FGF13: variants seen among roughly 807,000 people sequenced by gnomAD.
FGF13 encodes the protein fibroblast growth factor homologous factor 2.
A neutral mutation model predicts 19.5 loss-of-function variants in FGF13; 2 were observed. The observed-to-expected ratio is 0.10, with a 90% CI of 0.04 to 0.32. The LOEUF (loss-of-function observed/expected upper bound fraction) is 0.32, where lower values mean the gene tolerates loss of function less well. Among genes scored for constraint, FGF13 ranks in the 10% least tolerant of loss-of-function variants. FGF13 has a pLI of 1.00. For synonymous variants in FGF13, 72 were observed against 76.9 expected, an observed-to-expected ratio of 0.94 and a Z score of 0.33; for missense variants, 113 against 192.7, an observed-to-expected ratio of 0.59 and a Z score of 2.45.
intron 3 of FGF13, among the ~76,000 whole-genome samples, chrX:138,783,878 C>A (rs905135726): frequency 2.7e-5 from 3 of 109,913 alleles, no homozygotes; most frequent in Non-Finnish European, 5.7e-5. Context: ...ATGTCTATTG[C>A]GACATTATTC....
intron 3 of FGF13, among the ~76,000 whole-genome samples, chrX:138,779,157 C>T (rs2090616637): frequency 9.1e-6 from 1 of 110,477 alleles, no homozygotes. Flanking sequence ...CACCAAAAAC[C>T]CATCTGTACA....
At chrX:138,961,786 C>T (rs1213355291) in intron 1 of FGF13, among the ~76,000 whole-genome samples, 1 of 111,752 alleles carries the variant, frequency 8.9e-6, no homozygotes, top group Non-Finnish European at 1.9e-5. Context: ...AACTGGCTAG[C>T]CACAGGTAGA....
intron 1 of FGF13, among the ~76,000 whole-genome samples, chrX:139,109,990 A>G (rs768934460): frequency 1.8e-5 from 2 of 111,545 alleles, no homozygotes; most frequent in South Asian, 7.6e-4. Flanking sequence ...ATGGAATAAA[A>G]TGTGTCTCAT....
At chrX:138,924,783 T>C (rs1423456936) in intron 1 of FGF13, among the ~76,000 whole-genome samples, 1 of 106,701 alleles carries the variant, frequency 9.4e-6, no homozygotes, top group Admixed American at 1.0e-4. Flanking sequence ...AGGGACATCC[T>C]AACCAAGGGA....
At chrX:138,921,801 T>C (rs890149849) in intron 1 of FGF13, among the ~76,000 whole-genome samples, 5 of 110,064 alleles carry the variant, frequency 4.5e-5, no homozygotes, top group African/African-American at 9.9e-5. Flanking sequence ...ACAAGAGATA[T>C]CTGAGTGTGT....
At position 138,763,250 on chromosome X, in the gene FGF13, A is replaced by G. The variant is rs144268013; in HGVS notation, c.218-54322T>C. 4.3e-3 allele frequency among the ~76,000 whole-genome samples: 474 copies of G among 110,641 alleles called. 2 individuals carry two copies. Among genetic ancestry groups the G allele is most frequent in the African/African-American group, 0.014 (439 of 30,460 alleles). On this transcript the variant is annotated intron_variant, in intron 3 of 6. Transcript: ENST00000436198. The stretch of plus-strand genomic sequence containing the variant: ...CACTACACACATCTTATGTAAATAT[A>G]TAATATATTATGCAGATCACAAACT...
chrX:138,944,698 G>C (rs113411082), intron 1 of FGF13, among the ~76,000 whole-genome samples: 179 of 110,757 alleles, frequency 1.6e-3, no homozygotes, highest in African/African-American at 5.7e-3. Flanking sequence ...AAGCACTCTT[G>C]AGCAGCCAAT....
intron 1 of FGF13, among the ~76,000 whole-genome samples, chrX:139,183,459 G>A (rs2084255772): frequency 8.9e-6 from 1 of 111,857 alleles, no homozygotes; most frequent in East Asian, 2.9e-4. Flanking sequence ...TGGGTCATGT[G>A]GGCAGATGCC....
rs2090041454 is a variant in FGF13, at chrX:138,711,104, C to T, written c.-101G>A. The stretch of plus-strand genomic sequence containing the variant: ...CTTGTCCGCTGTCTCGCGACTTCGC[C>T]GCTTTGGTCTCCTTAGCCTGCGTTT... On this transcript the variant is annotated 5_prime_UTR_variant, in exon 1 of 5. Transcript: ENST00000315930. 7 of 1,150,770 alleles carry T rather than the reference C, an allele frequency of 6.1e-6. No individual in the cohort carries two copies. In the South Asian group the frequency reaches 1.0e-4, roughly 17 times the overall value. 94.8% of individuals were successfully genotyped at this position (1,150,770 alleles called of 1,213,427 possible). A position where few individuals can be genotyped will look rare whatever the true frequency, so the allele number is the denominator to read the frequency against.
At chrX:139,173,095 C>A (rs2084147028) in intron 1 of FGF13, among the ~76,000 whole-genome samples, 1 of 111,758 alleles carries the variant, frequency 8.9e-6, no homozygotes, top group South Asian at 3.7e-4. Context: ...TTGCAAGTGC[C>A]AACGAATACC....
intron 1 of FGF13, among the ~76,000 whole-genome samples, chrX:139,049,912 C>A (rs1255038555): frequency 8.9e-6 from 1 of 112,325 alleles, no homozygotes; most frequent in Non-Finnish European, 1.9e-5. Context: ...CAGTCCAAAG[C>A]CAAGTCAATT....
chrX:138,874,119 G>A (rs926376570), intron 1 of FGF13, among the ~76,000 whole-genome samples: 7 of 103,522 alleles, frequency 6.8e-5, no homozygotes, highest in South Asian at 4.5e-4. Flanking sequence ...AAACCTGCAC[G>A]TCGTGCACAC....
At chrX:139,151,808 T>G (rs2083936561) in intron 1 of FGF13, among the ~76,000 whole-genome samples, 2 of 112,279 alleles carry the variant, frequency 1.8e-5, no homozygotes, top group African/African-American at 6.5e-5. Context: ...ATTTTTAACT[T>G]AATTGTTAAC....
chrX:138,709,684 GATCA>G (rs368852387), intron 1 of FGF13, among the ~76,000 whole-genome samples: 2 of 111,951 alleles, frequency 1.8e-5, no homozygotes, highest in East Asian at 2.8e-4. Flanking sequence ...AATAACCATA[GATCA>G]ATCAAGTGTC....
chrX:138,849,008 T>G (rs1158109653), intron 3 of FGF13, among the ~76,000 whole-genome samples: 1 of 111,721 alleles, frequency 9.0e-6, no homozygotes, highest in Non-Finnish European at 1.9e-5. Flanking sequence ...TGAAGAACAT[T>G]TGAGTAGCCT....
chrX:138,671,718 G>A (rs2089613771), intron 3 of FGF13, among the ~76,000 whole-genome samples: 1 of 111,019 alleles, frequency 9.0e-6, no homozygotes, highest in Admixed American at 9.6e-5. Flanking sequence ...ACTCTACTGT[G>A]CATACACAAA....
intron 1 of FGF13, among the ~76,000 whole-genome samples, chrX:139,115,622 T>A (rs1383509610): frequency 8.9e-6 from 1 of 112,341 alleles, no homozygotes; most frequent in African/African-American, 3.2e-5. Flanking sequence ...CCTCCAGACA[T>A]CTTTCACTTG....
intron 3 of FGF13, among the ~76,000 whole-genome samples, chrX:138,797,431 A>G (rs746155493): frequency 9.0e-5 from 10 of 111,599 alleles, no homozygotes; most frequent in African/African-American, 2.9e-4. Context: ...CTATTTTGGT[A>G]TCAGTACCAT....
intron 1 of FGF13, among the ~76,000 whole-genome samples, chrX:139,066,416 C>T (rs2092356677): frequency 9.0e-6 from 1 of 111,162 alleles, no homozygotes; most frequent in Admixed American, 9.6e-5. Context: ...ACTACCCAGA[C>T]TAATAAAGAA....
Sources: gnomAD v4.1 joint callset for allele counts (sites outside exome capture counted in the v4.1 genomes callset) on GRCh38, gnomAD v4.1.1 for gene constraint, MANE v1.5 for transcripts, NCBI Gene and HGNC (gene_info 2026-07-23, HGNC 2026-07-21) for gene names.